Variants in PROM1 observed in about 807,000 individuals in gnomAD.
PROM1 encodes prominin-1.
In PROM1, 105 loss-of-function variants were observed where a neutral mutation model predicts 116.9. That is an observed-to-expected ratio of 0.90 (90% CI 0.77 to 1.06). The LOEUF is 1.06. Ranked by LOEUF, PROM1 falls within the 50% of genes least tolerant of loss-of-function variation. The pLI, the probability that PROM1 is intolerant of heterozygous loss-of-function variation, is 0.00. For synonymous variants in PROM1, 393 were observed against 387.0 expected, an observed-to-expected ratio of 1.02 and a Z score of -0.18; for missense variants, 1,122 against 1,045.2, an observed-to-expected ratio of 1.07 and a Z score of -1.01.
At chr4:16,005,699 G>T (rs750258054) in intron 13 of PROM1, among the ~76,000 whole-genome samples, 14 of 152,150 alleles carry the variant, frequency 9.2e-5, no homozygotes, top group African/African-American at 1.4e-4. Flanking sequence ...ACTCCCCAAA[G>T]GAATTGTTTC....
intron 13 of PROM1, among the ~76,000 whole-genome samples, chr4:16,000,982 C>T (rs1280961935): frequency 2.0e-5 from 3 of 152,144 alleles, no homozygotes; most frequent in African/African-American, 7.2e-5. Context: ...GCTGAAAGCA[C>T]ACGAGGAGCA....
At position 15,980,542 on chromosome 4, in the gene PROM1, G is replaced by GGAA; in HGVS notation, c.2374-6_2374-5insTTC. 1 of 1,462,236 alleles carries GGAA rather than the reference G, an allele frequency of 6.8e-7. No homozygotes were observed. Among genetic ancestry groups the GGAA allele is most frequent in the Non-Finnish European group, 9.2e-7 (1 of 1,083,554 alleles). 90.6% of individuals were successfully genotyped at this position (1,462,236 alleles called of 1,614,324 possible). ...TATGCCAAACCAAAACAAATTCTAGGAAAAAAAAATCAGAAGAATTAAATG... is the reference window on the plus strand; with the variant it reads ...TATGCCAAACCAAAACAAATTCTAGGGAAAAAAAAAAATCAGAAGAATTAAATG... On this transcript the variant is annotated splice_polypyrimidine_tract_variant and splice_region_variant and intron_variant, in intron 23 of 27. Transcript: ENST00000447510.
chr4:16,021,906 T>G (rs150881198), intron 8 of PROM1, among the ~76,000 whole-genome samples: 116 of 152,222 alleles, frequency 7.6e-4, no homozygotes, highest in African/African-American at 2.6e-3. Context: ...ACCACTGATG[T>G]GAAGTTTAGG....
At chr4:16,026,886 G>A (rs1163920880) in intron 5 of PROM1, among the ~76,000 whole-genome samples, 1 of 152,080 alleles carries the variant, frequency 6.6e-6, no homozygotes, top group African/African-American at 2.4e-5. Context: ...TCTGGGTCCT[G>A]TCCTGCCACC....
rs1743871829 is a variant in PROM1, at chr4:16,075,929, T to G, written c.-23A>C. The G allele has an allele frequency of 6.3e-7, 1 of 1,585,098 alleles. No individual in the cohort carries two copies. On this transcript the variant is annotated 5_prime_UTR_variant, in exon 2 of 28. An upstream start codon of the reference 5' UTR is lost. Coordinates refer to ENST00000447510, the MANE Select transcript of PROM1 (RefSeq NM_006017.3). ...CATAGCTAGCAAGATCCTCCAAACA[T>G]GAGGTAGAACTTGGTGCCTCCTGCC... is the stretch of plus-strand genomic sequence containing the variant.
chr4:16,012,022 T>C (rs1251984091), intron 11 of PROM1, among the ~76,000 whole-genome samples: 1 of 152,114 alleles, frequency 6.6e-6, no homozygotes, highest in Non-Finnish European at 1.5e-5. Context: ...TTTGTTTTTT[T>C]TTGAGAGAGA....
chr4:16,007,796 G>A (rs1167296914), intron 12 of PROM1, among the ~76,000 whole-genome samples: 1 of 152,200 alleles, frequency 6.6e-6, no homozygotes, highest in Non-Finnish European at 1.5e-5. Flanking sequence ...CACTGAGAAA[G>A]GGTCTGCCTT....
In PROM1 at chr4:16,075,957, A is replaced by G; in HGVS notation, c.-51T>C. On this transcript the variant is annotated 5_prime_UTR_variant, in exon 2 of 28. Coordinates refer to ENST00000447510, the MANE Select transcript of PROM1 (RefSeq NM_006017.3). ...GGTAGAACTTGGTGCCTCCTGCCTC[A>G]GAGCTTCTGGAAGCCTTGGGGAAGG... The G allele has an allele frequency of 6.6e-7, 1 of 1,525,134 alleles. No individual in the cohort carries two copies. The highest frequency in any genetic ancestry group is 8.8e-7 in the Non-Finnish European group (1 of 1,133,974). The allele number at this position is 1,525,134 out of a possible 1,614,324, so 94.5% of individuals were successfully genotyped here. A position where few individuals can be genotyped will look rare whatever the true frequency, so the allele number is the denominator to read the frequency against.
chr4:15,983,586 C>T (rs1176754728), intron 23 of PROM1, among the ~76,000 whole-genome samples: 1 of 151,808 alleles, frequency 6.6e-6, no homozygotes, highest in East Asian at 1.9e-4. Context: ...GTGCATGGGC[C>T]CTAAGGTGGG....
At chr4:15,996,612 C>A (rs974534236) in intron 15 of PROM1, among the ~76,000 whole-genome samples, 45 of 152,160 alleles carry the variant, frequency 3.0e-4, no homozygotes, top group Non-Finnish European at 5.7e-4. Context: ...GAACTAATGA[C>A]CATTGATTAA....
At chr4:15,979,005 A>T (rs1716977874) in intron 26 of PROM1, among the ~76,000 whole-genome samples, 1 of 134,778 alleles carries the variant, frequency 7.4e-6, no homozygotes, top group African/African-American at 3.0e-5. Flanking sequence ...GAAGGAAGGA[A>T]GGAAAGAAGG....
intron 2 of PROM1, among the ~76,000 whole-genome samples, chr4:16,057,017 G>A (rs74612243): frequency 0.033 from 5,039 of 152,296 alleles, 282 homozygotes; most frequent in African/African-American, 0.11. Flanking sequence ...GCAATACAAC[G>A]CTTAGGAAGC....
intron 15 of PROM1, among the ~76,000 whole-genome samples, chr4:15,996,370 C>T (rs1174672122): frequency 5.3e-5 from 8 of 152,046 alleles, no homozygotes; most frequent in Admixed American, 3.9e-4. Flanking sequence ...ATTAGCCAGG[C>T]GTGGTGACAG....
chr4:16,050,870 C>T (rs1487354657), intron 2 of PROM1, among the ~76,000 whole-genome samples: 1 of 152,152 alleles, frequency 6.6e-6, no homozygotes, highest in Non-Finnish European at 1.5e-5. Context: ...CCCAAAAATG[C>T]TTAATAGGCA....
intron 2 of PROM1, among the ~76,000 whole-genome samples, chr4:16,060,224 A>G (rs1211704378): frequency 2.6e-5 from 4 of 152,180 alleles, no homozygotes; most frequent in African/African-American, 9.7e-5. Context: ...TTTTTTTCCA[A>G]ATTAAAGAGA....
intron 2 of PROM1, among the ~76,000 whole-genome samples, chr4:16,064,605 AT>A (rs1221754461): frequency 1.3e-5 from 2 of 152,212 alleles, no homozygotes; most frequent in Non-Finnish European, 1.5e-5. Flanking sequence ...TAACATTAAT[AT>A]TTTAAATATT....
At chr4:15,981,006 G>C (rs1717761588) in intron 23 of PROM1, among the ~76,000 whole-genome samples, 1 of 149,090 alleles carries the variant, frequency 6.7e-6, no homozygotes, top group African/African-American at 2.5e-5. Flanking sequence ...CTGTCGCCCA[G>C]GCTAGAGTGC....
intron 2 of PROM1, among the ~76,000 whole-genome samples, chr4:16,045,021 A>T (rs1421086639): frequency 6.6e-6 from 1 of 152,140 alleles, no homozygotes; most frequent in Non-Finnish European, 1.5e-5. Context: ...AGCACTACAG[A>T]TGCTAAGAGA....
At chr4:16,065,662 G>A (rs185912874) in intron 2 of PROM1, among the ~76,000 whole-genome samples, 6 of 152,304 alleles carry the variant, frequency 3.9e-5, no homozygotes, top group Admixed American at 1.3e-4. Flanking sequence ...TAAGCACTTG[G>A]AATCAGACAG....
Sources: allele counts gnomAD v4.1 joint callset (sites outside exome capture counted in the v4.1 genomes callset), GRCh38; gene constraint gnomAD v4.1.1; transcripts MANE v1.5; gene names NCBI Gene and HGNC (gene_info 2026-07-23, HGNC 2026-07-21).